Variants in ORC5 observed in about 807,000 individuals in gnomAD.
ORC5 encodes protein phosphatase 1, regulatory subunit 117.
A neutral mutation model predicts 58.8 loss-of-function variants in ORC5; 39 were observed. The observed-to-expected ratio is 0.66, with a 90% CI of 0.51 to 0.87. The LOEUF is 0.87. Ranked by LOEUF, ORC5 falls within the 40% of genes least tolerant of loss-of-function variation. The probability of loss-of-function intolerance (pLI) is 0.00; values close to 1 mark genes in which losing one functional copy is unlikely to be tolerated. For missense variants in ORC5, 493 were observed against 506.3 expected (o/e 0.97, Z 0.25); for synonymous variants, 218 against 177.6 (o/e 1.23, Z -1.81).
At chr7:104,175,548 T>C (rs530030472) in intron 8 of ORC5, among the ~76,000 whole-genome samples, 1 of 152,288 alleles carries the variant, frequency 6.6e-6, no homozygotes, top group Non-Finnish European at 1.5e-5. Flanking sequence ...TTACTAACAA[T>C]TGCTTTGAGT....
intron 12 of ORC5, among the ~76,000 whole-genome samples, chr7:104,148,813 C>A (rs1422022369): frequency 6.6e-6 from 1 of 152,138 alleles, no homozygotes; most frequent in African/African-American, 2.4e-5. Context: ...GCAGGCAGAT[C>A]ACTTGAGGTC....
chr7:104,135,834 A>T (rs1798579283), intron 13 of ORC5, among the ~76,000 whole-genome samples: 1 of 152,160 alleles, frequency 6.6e-6, no homozygotes. Context: ...ACTAATTTTT[A>T]AAGGGTGCTA....
intron 9 of ORC5, chr7:104,168,252 T>A (rs1799140984): frequency 1.8e-6 from 2 of 1,110,282 alleles, no homozygotes; most frequent in Admixed American, 7.7e-5. Context: ...AATCCAATAT[T>A]TAGAAAATAG....
At chr7:104,150,629 C>G (rs1183494490) in intron 12 of ORC5, among the ~76,000 whole-genome samples, 1 of 151,794 alleles carries the variant, frequency 6.6e-6, no homozygotes, top group African/African-American at 2.4e-5. Flanking sequence ...ATACACAGAG[C>G]AACTGAAGAT....
At chr7:104,160,429 C>A (rs73413865) in intron 12 of ORC5, among the ~76,000 whole-genome samples, 189 of 152,192 alleles carry the variant, frequency 1.2e-3, no homozygotes, top group African/African-American at 4.5e-3. Flanking sequence ...TTTGCTTTTT[C>A]TTCTATCCAC....
At chr7:104,160,992 T>G in intron 12 of ORC5, 80 bp downstream of exon 12, 1 of 814,674 alleles carries the variant, frequency 1.2e-6, no homozygotes, top group Non-Finnish European at 2.1e-6. Flanking sequence ...AACAAAAATC[T>G]GAATGCCTGG....
intron 6 of ORC5, chr7:104,187,742 C>G: frequency 8.3e-6 from 8 of 966,460 alleles, no homozygotes; most frequent in Non-Finnish European, 9.8e-6. Flanking sequence ...TTAAAAAGAA[C>G]CATCTATACA....
intron 6 of ORC5, chr7:104,184,411 G>C (rs1023073005): frequency 9.2e-6 from 4 of 436,884 alleles, no homozygotes; most frequent in African/African-American, 6.1e-5. Flanking sequence ...CTGCACCTGT[G>C]AACAGCCACT....
chr7:104,130,085 G>T (rs1207281278), intron 13 of ORC5, among the ~76,000 whole-genome samples: 2 of 148,170 alleles, frequency 1.3e-5, no homozygotes. Context: ...CTGACAACTT[G>T]CAACCATACA....
chr7:104,164,260 C>T (rs931425554), intron 11 of ORC5, among the ~76,000 whole-genome samples: 5 of 151,928 alleles, frequency 3.3e-5, no homozygotes, highest in Non-Finnish European at 5.9e-5. Flanking sequence ...CCTGTCTCTA[C>T]AAAAAATACA....
intron 1 of ORC5, among the ~76,000 whole-genome samples, chr7:104,205,086 CTTT>C (rs10672012): frequency 5.0e-5 from 5 of 99,426 alleles, no homozygotes; most frequent in South Asian, 4.1e-4. Flanking sequence ...TAATAATACT[CTTT>C]TTTTTTTTTT....
intron 13 of ORC5, 71 bp from the exon 14 acceptor site, chr7:104,126,964 A>G (rs1798437856): frequency 5.5e-6 from 6 of 1,084,274 alleles, no homozygotes; most frequent in Non-Finnish European, 8.2e-6. Context: ...GATTCTGGAA[A>G]GCACATGCAA....
At chr7:104,181,152 G>A (rs1173380755) in intron 8 of ORC5, among the ~76,000 whole-genome samples, 3 of 141,152 alleles carry the variant, frequency 2.1e-5, no homozygotes, top group Admixed American at 1.4e-4. Context: ...AACTGATGAG[G>A]ATGTTTTTAT....
At chr7:104,189,507 C>A (rs1460203075) in intron 5 of ORC5, among the ~76,000 whole-genome samples, 4 of 151,958 alleles carry the variant, frequency 2.6e-5, no homozygotes, top group African/African-American at 9.7e-5. Context: ...CATATCAAGG[C>A]CCCACCTCCT....
At chr7:104,174,590 C>A (rs979497033) in intron 8 of ORC5, among the ~76,000 whole-genome samples, 12 of 152,124 alleles carry the variant, frequency 7.9e-5, no homozygotes, top group Admixed American at 4.6e-4. Context: ...CAGCAGGCGA[C>A]CCTAGGGTGA....
At chr7:104,199,929 G>A (rs1799897866) in intron 3 of ORC5, among the ~76,000 whole-genome samples, 2 of 152,086 alleles carry the variant, frequency 1.3e-5, no homozygotes, top group South Asian at 4.1e-4. Context: ...ATGAATCTTG[G>A]GGGTGGTTCC....
intron 12 of ORC5, among the ~76,000 whole-genome samples, chr7:104,139,607 C>G (rs1798641533): frequency 6.6e-6 from 1 of 151,972 alleles, no homozygotes; most frequent in African/African-American, 2.4e-5. Context: ...AATATTTCAA[C>G]TAGAAAAGCA....
In ORC5 at chr7:104,126,570, G is replaced by T. The variant is rs1662951760; in HGVS notation, c.*278C>A. ...GGGTTTCAGGCAATTTCAGTGTTAA[G>T]ATAACATCATTAAGAGTAGAACAGA... is the stretch of plus-strand genomic sequence containing the variant. On this transcript the variant is annotated 3_prime_UTR_variant, in exon 14 of 14. Transcript: ENST00000297431. The T allele has an allele frequency of 2.1e-5, 7 of 332,474 alleles. No homozygotes were observed. Among genetic ancestry groups the T allele is most frequent in the Non-Finnish European group, 3.8e-5 (7 of 184,274 alleles). The allele number at this position is 332,474 out of a possible 1,614,324, so 20.6% of individuals were successfully genotyped here.
At chr7:104,179,431 T>G (rs1021362191) in intron 8 of ORC5, among the ~76,000 whole-genome samples, 1 of 152,140 alleles carries the variant, frequency 6.6e-6, no homozygotes, top group African/African-American at 2.4e-5. Flanking sequence ...CTGGCTGTAA[T>G]TAGAAGGGAA....
Sources: allele counts gnomAD v4.1 joint callset (sites outside exome capture counted in the v4.1 genomes callset), GRCh38; gene constraint gnomAD v4.1.1; transcripts MANE v1.5; gene names NCBI Gene and HGNC (gene_info 2026-07-23, HGNC 2026-07-21).